NCAM1: variants seen among roughly 807,000 people sequenced by gnomAD.
NCAM1 encodes the protein neural cell adhesion molecule 1, also known as antigen recognized by monoclonal antibody 5.1H11.
NCAM1 carries 14 observed loss-of-function variants against 109.8 expected under a neutral mutation model. That is an observed-to-expected ratio of 0.13 (90% CI 0.08 to 0.20). NCAM1 has a LOEUF of 0.20. NCAM1 is among the 10% of genes least tolerant of loss of function. NCAM1 has a pLI of 1.00. For missense variants in NCAM1, 774 were observed against 1,109.9 expected, an observed-to-expected ratio of 0.70 and a Z score of 4.30; for synonymous variants, 418 against 442.9, an observed-to-expected ratio of 0.94 and a Z score of 0.70.
intron 1 of NCAM1, among the ~76,000 whole-genome samples, chr11:113,197,765 C>T (rs751337287): frequency 1.3e-5 from 2 of 152,190 alleles, no homozygotes; most frequent in Admixed American, 6.5e-5. Flanking sequence ...AAAAGAAAAC[C>T]GATAAAATAA....
intron 1 of NCAM1, among the ~76,000 whole-genome samples, chr11:113,016,326 A>G (rs1444062330): frequency 3.9e-5 from 6 of 152,154 alleles, no homozygotes; most frequent in Non-Finnish European, 5.9e-5. Flanking sequence ...CAACTTTCTC[A>G]GGGTTGCAAG....
At chr11:113,228,153 G>T (rs1353463013) in intron 9 of NCAM1, among the ~76,000 whole-genome samples, 1 of 152,186 alleles carries the variant, frequency 6.6e-6, no homozygotes, top group Non-Finnish European at 1.5e-5. Context: ...GTCCCTGTTT[G>T]CAGATGACAT....
At chr11:113,255,505 A>G (rs1417133217) in intron 15 of NCAM1, among the ~76,000 whole-genome samples, 5 of 150,050 alleles carry the variant, frequency 3.3e-5, no homozygotes, top group African/African-American at 1.2e-4. Context: ...CTCCTATTTC[A>G]GGCTGTTCCT....
chr11:113,190,652 C>T (rs1051814985), intron 1 of NCAM1, among the ~76,000 whole-genome samples: 6 of 152,140 alleles, frequency 3.9e-5, no homozygotes, highest in East Asian at 1.9e-4. Context: ...CTCAAGAAAG[C>T]GAAACAACGA....
intron 1 of NCAM1, among the ~76,000 whole-genome samples, chr11:113,006,997 T>A (rs1483456595): frequency 6.6e-6 from 1 of 152,258 alleles, no homozygotes; most frequent in Non-Finnish European, 1.5e-5. Context: ...GGCATTCTGC[T>A]AATCTTGGTG....
chr11:112,972,749 G>C (rs1950915533), intron 1 of NCAM1, among the ~76,000 whole-genome samples: 1 of 152,124 alleles, frequency 6.6e-6, no homozygotes, highest in African/African-American at 2.4e-5. Context: ...TGTCAGAGGA[G>C]AGTAGTGATG....
chr11:113,161,737 AC>A (rs1301355955), intron 1 of NCAM1, among the ~76,000 whole-genome samples: 1 of 151,818 alleles, frequency 6.6e-6, no homozygotes, highest in Non-Finnish European at 1.5e-5. Context: ...CTTCCCGCCC[AC>A]CCCCTTTGCC....
At chr11:113,175,783 A>G (rs1943126065) in intron 1 of NCAM1, among the ~76,000 whole-genome samples, 2 of 152,218 alleles carry the variant, frequency 1.3e-5, no homozygotes, top group African/African-American at 4.8e-5. Flanking sequence ...TAATCCCAAC[A>G]TATTTATGCA....
intron 1 of NCAM1, among the ~76,000 whole-genome samples, chr11:112,984,134 A>G (rs1214919400): frequency 1.3e-5 from 2 of 151,938 alleles, no homozygotes; most frequent in Non-Finnish European, 2.9e-5. Flanking sequence ...TTTAGAATCC[A>G]CATATAAATG....
chr11:113,009,016 C>T (rs1022408851), intron 1 of NCAM1, among the ~76,000 whole-genome samples: 6 of 152,082 alleles, frequency 3.9e-5, no homozygotes, highest in African/African-American at 7.2e-5. Flanking sequence ...GGTGTCACAG[C>T]GGGAGAGTGC....
intron 14 of NCAM1, chr11:113,240,621 G>T: frequency 1.5e-6 from 1 of 679,302 alleles, no homozygotes; most frequent in Admixed American, 2.3e-5. Context: ...CCTGCTCCTC[G>T]CTAGTGCCCT....
intron 17 of NCAM1, chr11:113,262,999 A>G: frequency 6.4e-7 from 1 of 1,558,678 alleles, no homozygotes; most frequent in Non-Finnish European, 8.7e-7. Flanking sequence ...CCTTTGGAAG[A>G]ACCTGGCAGG....
At chr11:113,122,227 C>A (rs1341238437) in intron 1 of NCAM1, among the ~76,000 whole-genome samples, 2 of 152,218 alleles carry the variant, frequency 1.3e-5, no homozygotes, top group Non-Finnish European at 2.9e-5. Context: ...GTTATTTAAT[C>A]TTTGAAAGCT....
rs551804251 is a variant in NCAM1 at position 113,088,428 on chromosome 11, T to C, written c.53-113951T>C. The stretch of plus-strand genomic sequence containing the variant: ...AGAAACAATCATTTACCCAGTAGGC[T>C]TTATTCTGAGTAGAAGCTGAAACCA... On this transcript the variant is annotated intron_variant, in intron 1 of 19. Coordinates refer to ENST00000316851, the MANE Select transcript of NCAM1 (RefSeq NM_181351.5). Among the ~76,000 whole-genome samples the C allele has an allele frequency of 1.4e-3, 206 of 152,338 alleles. 3 individuals carry two copies. The highest frequency in any genetic ancestry group is 1.9e-3 in the Non-Finnish European group (127 of 68,026).
intron 1 of NCAM1, among the ~76,000 whole-genome samples, chr11:112,975,837 A>G (rs1164240425): frequency 1.3e-5 from 2 of 152,096 alleles, no homozygotes; most frequent in Non-Finnish European, 2.9e-5. Context: ...TAAAAAGAAT[A>G]TTTTTATTAT....
intron 1 of NCAM1, among the ~76,000 whole-genome samples, chr11:112,987,372 C>T (rs1200936526): frequency 3.3e-5 from 5 of 152,030 alleles, no homozygotes; most frequent in Non-Finnish European, 5.9e-5. Flanking sequence ...ATTCTGCTGC[C>T]GTTGAATGGA....
At chr11:112,991,336 G>A (rs1393090839) in intron 1 of NCAM1, among the ~76,000 whole-genome samples, 1 of 152,132 alleles carries the variant, frequency 6.6e-6, no homozygotes, top group East Asian at 1.9e-4. Context: ...TTTAGAGGCA[G>A]CACTTTGAAA....
At chr11:113,272,735 C>T (rs1307295714) in intron 19 of NCAM1, among the ~76,000 whole-genome samples, 1 of 152,186 alleles carries the variant, frequency 6.6e-6, no homozygotes, top group Middle Eastern at 3.4e-3. Context: ...TCTGTCGTCT[C>T]CTGTGTCCTC....
chr11:113,256,801 G>T (rs79081915), intron 16 of NCAM1, among the ~76,000 whole-genome samples: 12 of 152,316 alleles, frequency 7.9e-5, no homozygotes, highest in African/African-American at 2.9e-4. Flanking sequence ...ATAACCAATG[G>T]CTGAGAGATT....
Sources: gnomAD v4.1 joint callset for allele counts (sites outside exome capture counted in the v4.1 genomes callset) on GRCh38, gnomAD v4.1.1 for gene constraint, MANE v1.5 for transcripts, NCBI Gene and HGNC (gene_info 2026-07-23, HGNC 2026-07-21) for gene names.